Variants in CCDC91 observed in about 807,000 individuals in gnomAD.
CCDC91 encodes the protein coiled-coil domain containing 91.
A neutral mutation model predicts 63.2 loss-of-function variants in CCDC91; 48 were observed. The observed-to-expected ratio is 0.76, with a 90% CI of 0.60 to 0.97. CCDC91 has a LOEUF of 0.97. Among genes scored for constraint, CCDC91 ranks in the 50% least tolerant of loss-of-function variants. The pLI is 0.00. For missense variants in CCDC91, 500 were observed against 494.6 expected (o/e 1.01, Z -0.10); for synonymous variants, 167 against 165.8 (o/e 1.01, Z -0.06).
At chr12:28,204,592 G>A (rs1411384097) in intron 1 of CCDC91, among the ~76,000 whole-genome samples, 1 of 151,936 alleles carries the variant, frequency 6.6e-6, no homozygotes, top group East Asian at 1.9e-4. Context: ...TTTTTGTGAG[G>A]GAAAGTCATG....
At chr12:28,366,018 T>C (rs1303184493) in intron 7 of CCDC91, among the ~76,000 whole-genome samples, 1 of 152,020 alleles carries the variant, frequency 6.6e-6, no homozygotes, top group Non-Finnish European at 1.5e-5. Flanking sequence ...AAGTGGAAAA[T>C]ACCAAGTAAA....
At chr12:28,265,379 A>G (rs1423636311) in intron 3 of CCDC91, among the ~76,000 whole-genome samples, 1 of 152,064 alleles carries the variant, frequency 6.6e-6, no homozygotes, top group Non-Finnish European at 1.5e-5. Flanking sequence ...TAGAAGGAAT[A>G]ATGGGAATTG....
At chr12:28,382,523 T>C (rs1945357782) in intron 7 of CCDC91, among the ~76,000 whole-genome samples, 1 of 152,024 alleles carries the variant, frequency 6.6e-6, no homozygotes, top group Non-Finnish European at 1.5e-5. Context: ...GAGAAGAAAC[T>C]CTTCTTCTCC....
chr12:28,544,465 T>C (rs1276870635), intron 12 of CCDC91, among the ~76,000 whole-genome samples: 1 of 152,024 alleles, frequency 6.6e-6, no homozygotes, highest in African/African-American at 2.4e-5. Flanking sequence ...AAGTCATTTT[T>C]AAGCATTAAT....
At chr12:28,284,519 G>T (rs1177651186) in intron 3 of CCDC91, among the ~76,000 whole-genome samples, 1 of 152,008 alleles carries the variant, frequency 6.6e-6, no homozygotes, top group Admixed American at 6.6e-5. Flanking sequence ...AGGTGTGGTG[G>T]CACATGCCTG....
chr12:28,403,088 A>C (rs1271050665), intron 8 of CCDC91, among the ~76,000 whole-genome samples: 1 of 152,150 alleles, frequency 6.6e-6, no homozygotes, highest in African/African-American at 2.4e-5. Flanking sequence ...GTTTATGATT[A>C]TTGATCTATA....
chr12:28,219,956 C>G (rs1943827667), intron 1 of CCDC91, among the ~76,000 whole-genome samples: 1 of 151,970 alleles, frequency 6.6e-6, no homozygotes, highest in Admixed American at 6.6e-5. Flanking sequence ...CATGGTGTAT[C>G]TTTTCAACCC....
At chr12:28,505,129 C>T (rs1938539254) in intron 12 of CCDC91, among the ~76,000 whole-genome samples, 1 of 151,876 alleles carries the variant, frequency 6.6e-6, no homozygotes, top group Admixed American at 6.6e-5. Context: ...AATCTTTGCC[C>T]TTCTTTTTAG....
chr12:28,442,156 C>G (rs1288397160), intron 8 of CCDC91, among the ~76,000 whole-genome samples: 6 of 151,972 alleles, frequency 3.9e-5, no homozygotes, highest in African/African-American at 1.4e-4. Flanking sequence ...CAACCACAAA[C>G]AAAAGAGGAA....
chr12:28,426,175 A>G (rs1948305869), intron 8 of CCDC91, among the ~76,000 whole-genome samples: 2 of 152,210 alleles, frequency 1.3e-5, no homozygotes, highest in African/African-American at 2.4e-5. Context: ...GAAATCCACT[A>G]TAATTCTGAA....
intron 8 of CCDC91, among the ~76,000 whole-genome samples, chr12:28,396,702 GAC>G (rs1946317849): frequency 6.6e-6 from 1 of 151,452 alleles, no homozygotes; most frequent in African/African-American, 2.4e-5. Flanking sequence ...GTGTGTTTGT[GAC>G]ACAAACACAT....
chr12:28,402,205 A>G (rs1946665267), intron 8 of CCDC91, among the ~76,000 whole-genome samples: 1 of 152,194 alleles, frequency 6.6e-6, no homozygotes, highest in African/African-American at 2.4e-5. Flanking sequence ...CTCAGTTGTG[A>G]TAACCAGAAA....
chr12:28,395,445 T>C (rs2139384356), intron 8 of CCDC91, among the ~76,000 whole-genome samples: 1 of 152,332 alleles, frequency 6.6e-6, no homozygotes, highest in African/African-American at 2.4e-5. Flanking sequence ...TTCCTCTGAC[T>C]TGACTACAGT....
chr12:28,213,967 T>A (rs1282077354), intron 1 of CCDC91, among the ~76,000 whole-genome samples: 1 of 152,144 alleles, frequency 6.6e-6, no homozygotes, highest in East Asian at 1.9e-4. Flanking sequence ...ATGGTGCTCT[T>A]TCTTCCATTG....
chr12:28,430,057 A>G (rs1050437360), intron 8 of CCDC91, among the ~76,000 whole-genome samples: 11 of 152,008 alleles, frequency 7.2e-5, no homozygotes, highest in Non-Finnish European at 1.3e-4. Flanking sequence ...ACAGTAATTT[A>G]GGGAAGACTA....
At chr12:28,487,035 T>C (rs1951763813) in intron 12 of CCDC91, among the ~76,000 whole-genome samples, 1 of 152,024 alleles carries the variant, frequency 6.6e-6, no homozygotes, top group African/African-American at 2.4e-5. Flanking sequence ...AGCATTATTG[T>C]TGCTAATTAA....
At chr12:28,198,845 A>G (rs1941981534) in intron 1 of CCDC91, 1 of 151,608 alleles carries the variant, frequency 6.6e-6, no homozygotes, top group African/African-American at 2.4e-5. Flanking sequence ...TTCCTTAATT[A>G]CTACATTATT....
At chr12:28,515,275 T>C (rs1241815454) in intron 12 of CCDC91, among the ~76,000 whole-genome samples, 2 of 151,914 alleles carry the variant, frequency 1.3e-5, no homozygotes, top group African/African-American at 4.8e-5. Flanking sequence ...GAGGACTTTT[T>C]TCCCCATTAG....
chr12:28,492,451 G>T (rs1952064308), intron 12 of CCDC91, among the ~76,000 whole-genome samples: 1 of 151,768 alleles, frequency 6.6e-6, no homozygotes, highest in East Asian at 1.9e-4. Flanking sequence ...CAGAAAATCA[G>T]ATGGTAGAAA....
Sources: gnomAD v4.1 joint callset for allele counts (sites outside exome capture counted in the v4.1 genomes callset) on GRCh38, gnomAD v4.1.1 for gene constraint, MANE v1.5 for transcripts, NCBI Gene and HGNC (gene_info 2026-07-23, HGNC 2026-07-21) for gene names.